PCDH15: variants seen among roughly 807,000 people sequenced by gnomAD.
The protein encoded by PCDH15 is protocadherin-15.
Under a neutral mutation model 178.5 loss-of-function variants are expected in PCDH15, and 129 were observed. The ratio of observed to expected loss-of-function variants is 0.72; its 90% confidence interval spans 0.63 to 0.84. The LOEUF is 0.84. Among genes scored for constraint, PCDH15 ranks in the 40% least tolerant of loss-of-function variants. PCDH15 has a pLI of 0.00. For synonymous variants in PCDH15, 800 were observed against 732.0 expected (o/e 1.09, Z -1.50); for missense variants, 2,230 against 2,099.9 (o/e 1.06, Z -1.21).
chr10:53,875,384 A>G (rs1048826077), intron 26 of PCDH15, among the ~76,000 whole-genome samples: 1 of 151,926 alleles, frequency 6.6e-6, no homozygotes, highest in African/African-American at 2.4e-5. Flanking sequence ...TAATAAGGAG[A>G]TGTCTAACAA....
At chr10:53,949,543 G>T (rs2384326) in intron 23 of PCDH15, among the ~76,000 whole-genome samples, 4,374 of 152,012 alleles carry the variant, frequency 0.029, 98 homozygotes, top group Non-Finnish European at 0.044. Flanking sequence ...TGATAGCCTG[G>T]GCAATATAGC....
intron 2 of PCDH15, among the ~76,000 whole-genome samples, chr10:55,541,059 A>G (rs753470947): frequency 2.6e-5 from 4 of 152,198 alleles, no homozygotes; most frequent in Admixed American, 6.5e-5. Context: ...AGGACCTTGC[A>G]GAGAATGGGT....
chr10:54,038,867 A>G (rs1465456544), intron 18 of PCDH15, among the ~76,000 whole-genome samples: 2 of 152,002 alleles, frequency 1.3e-5, no homozygotes, highest in Admixed American at 6.6e-5. Context: ...AATTATTACA[A>G]TATCATTCAT....
chr10:55,178,132 C>T (rs1839546690), intron 1 of PCDH15, among the ~76,000 whole-genome samples: 2 of 152,134 alleles, frequency 1.3e-5, no homozygotes, highest in Admixed American at 1.3e-4. Context: ...CCTTTAAACA[C>T]CATCAGGAAA....
chr10:54,155,045 G>A (rs1235077123), intron 13 of PCDH15, among the ~76,000 whole-genome samples: 3 of 152,152 alleles, frequency 2.0e-5, no homozygotes, highest in Admixed American at 6.5e-5. Context: ...CACTTAAAAT[G>A]TCTCAGGAAA....
chr10:54,364,886 T>C (rs182895333), intron 5 of PCDH15, among the ~76,000 whole-genome samples: 5 of 152,268 alleles, frequency 3.3e-5, no homozygotes, highest in African/African-American at 1.2e-4. Flanking sequence ...AGCTGTCGAC[T>C]GGGGTTCCTT....
intron 18 of PCDH15, among the ~76,000 whole-genome samples, chr10:54,032,910 T>A (rs557311573): frequency 6.6e-6 from 1 of 151,544 alleles, no homozygotes. Flanking sequence ...CAGAAAAGAG[T>A]GAAGAAGGAA....
chr10:54,385,382 A>G (rs986630637), intron 3 of PCDH15, among the ~76,000 whole-genome samples: 1 of 152,138 alleles, frequency 6.6e-6, no homozygotes, highest in African/African-American at 2.4e-5. Flanking sequence ...GTTACAGAAA[A>G]ATGTTTTGTT....
chr10:55,591,608 A>G (rs2132132429), intron 2 of PCDH15, among the ~76,000 whole-genome samples: 1 of 152,300 alleles, frequency 6.6e-6, no homozygotes, highest in African/African-American at 2.4e-5. Flanking sequence ...CCTATTTGAC[A>G]AACTTTTGCT....
At chr10:54,339,973 C>A (rs1168976348) in intron 6 of PCDH15, among the ~76,000 whole-genome samples, 1 of 152,096 alleles carries the variant, frequency 6.6e-6, no homozygotes, top group Non-Finnish European at 1.5e-5. Flanking sequence ...TTAGTTGAGT[C>A]CAATATCTCT....
intron 25 of PCDH15, among the ~76,000 whole-genome samples, chr10:53,917,970 C>A (rs541447138): frequency 6.6e-6 from 1 of 152,104 alleles, no homozygotes; most frequent in African/African-American, 2.4e-5. Flanking sequence ...TCACTTTCCA[C>A]CATGATTGGA....
At chr10:54,354,871 G>T (rs1323938147) in intron 5 of PCDH15, among the ~76,000 whole-genome samples, 3 of 152,042 alleles carry the variant, frequency 2.0e-5, no homozygotes, top group African/African-American at 7.2e-5. Context: ...TAAATGGAAG[G>T]AGATGATATA....
intron 13 of PCDH15, among the ~76,000 whole-genome samples, chr10:54,165,584 C>A (rs1209382771): frequency 6.6e-6 from 1 of 152,126 alleles, no homozygotes; most frequent in Non-Finnish European, 1.5e-5. Flanking sequence ...ACCTTAAGTG[C>A]TCTAATGCTA....
intron 2 of PCDH15, among the ~76,000 whole-genome samples, chr10:55,139,361 C>G (rs543556827): frequency 1.4e-5 from 2 of 138,554 alleles, no homozygotes; most frequent in Non-Finnish European, 3.2e-5. Context: ...CTTTGCCTAG[C>G]CCTAGATCTT....
chr10:54,492,965 T>G (rs1290426326), intron 3 of PCDH15, among the ~76,000 whole-genome samples: 1 of 152,072 alleles, frequency 6.6e-6, no homozygotes, highest in Non-Finnish European at 1.5e-5. Flanking sequence ...GCAAGACATG[T>G]CTTACATAGA....
At chr10:55,062,626 A>G (rs1003337157) in intron 2 of PCDH15, among the ~76,000 whole-genome samples, 3 of 152,182 alleles carry the variant, frequency 2.0e-5, no homozygotes, top group Non-Finnish European at 2.9e-5. Flanking sequence ...TTTTTAGGGT[A>G]GTGAAACTAT....
chr10:55,162,940 T>A (rs1839102646), intron 2 of PCDH15, among the ~76,000 whole-genome samples: 1 of 152,170 alleles, frequency 6.6e-6, no homozygotes, highest in Non-Finnish European at 1.5e-5. Flanking sequence ...GTAATTAACA[T>A]CACTATTTCA....
chr10:54,407,049 T>C (rs1952776118), intron 3 of PCDH15, among the ~76,000 whole-genome samples: 2 of 152,146 alleles, frequency 1.3e-5, no homozygotes, highest in African/African-American at 4.8e-5. Context: ...GGACAAATTT[T>C]AAAGTGGACA....
intron 2 of PCDH15, among the ~76,000 whole-genome samples, chr10:54,618,353 T>C (rs1389546495): frequency 6.6e-6 from 1 of 152,142 alleles, no homozygotes; most frequent in African/African-American, 2.4e-5. Flanking sequence ...CACATACAGA[T>C]AGTAGTAGAC....
Sources: gnomAD v4.1 joint callset for allele counts (sites outside exome capture counted in the v4.1 genomes callset) on GRCh38, gnomAD v4.1.1 for gene constraint, MANE v1.5 for transcripts, NCBI Gene and HGNC (gene_info 2026-07-23, HGNC 2026-07-21) for gene names.